The following CLIC1 variants were observed in gnomAD, a reference collection of about 807,000 sequenced individuals.
The protein encoded by CLIC1 is CLIC family member 1.
In CLIC1, 16 loss-of-function variants were observed where a neutral mutation model predicts 26.4. The observed-to-expected ratio is 0.61, with a 90% CI of 0.41 to 0.92. CLIC1 has a LOEUF of 0.92. CLIC1 is among the 40% of genes least tolerant of loss of function. The probability of loss-of-function intolerance (pLI) is 0.00; values close to 1 mark genes in which losing one functional copy is unlikely to be tolerated. For synonymous variants in CLIC1, 98 were observed against 120.8 expected, an observed-to-expected ratio of 0.81 and a Z score of 1.24; for missense variants, 225 against 289.7, an observed-to-expected ratio of 0.78 and a Z score of 1.62.
In CLIC1 at chr6:31,733,738, C is replaced by A. The variant is rs1008037863; in HGVS notation, c.276-66G>T. The A allele has an allele frequency of 1.9e-6, 3 of 1,602,394 alleles. No homozygotes were observed. In the African/African-American group the frequency reaches 4.0e-5, roughly 21 times the overall value. On this transcript the variant is annotated intron_variant, in intron 3 of 5. Coordinates refer to ENST00000375784, the Ensembl canonical transcript of CLIC1. The surrounding 1 kb of genome is among the most constrained non-coding windows in gnomAD (Gnocchi z 5.4). ...GGAGGAACCTCAGCTAGCTCTCCTG[C>A]CCCAGCCCCACCACCATCTCTGTTT...
chr6:31,731,255 A>G (rs1428980821), intron 5 of CLIC1, among the ~76,000 whole-genome samples: 2 of 151,876 alleles, frequency 1.3e-5, no homozygotes, highest in Non-Finnish European at 2.9e-5. Flanking sequence ...TTTTCCCCCT[A>G]TACCACTTCA....
In CLIC1 at chr6:31,732,314, C is replaced by T; in HGVS notation, c.467G>A (p.Ser156Asn). ...CTGAGAGACACCTTCATCTTCAGCA[C>T]TGGTTTCATCCACTTCTTCTGGGAG... is the stretch of plus-strand genomic sequence containing the variant. The change falls in exon 5 of 6, where the codon AGT becomes AAT. Residue 156 changes from serine (S) to asparagine (N), a missense_variant. Physicochemically the swap from Ser to Asn is conservative, Grantham distance 46 (BLOSUM62 1). Coordinates refer to ENST00000375784, the Ensembl canonical transcript of CLIC1. The surrounding 1 kb of genome is among the most constrained non-coding windows in gnomAD (Gnocchi z 5.0). 1 of 1,598,688 alleles carries T rather than the reference C, an allele frequency of 6.3e-7. No homozygotes were observed. The highest frequency in any genetic ancestry group is 1.1e-5 in the South Asian group (1 of 87,948).
At chr6:31,731,234 C>T (rs542104211) in intron 5 of CLIC1, among the ~76,000 whole-genome samples, 1 of 152,232 alleles carries the variant, frequency 6.6e-6, no homozygotes, top group East Asian at 1.9e-4. Flanking sequence ...TCTTGAATTT[C>T]CACAGTGACT....
At position 31,736,551 on chromosome 6, in the gene CLIC1, G is replaced by A. The variant is rs974476972; in HGVS notation, c.-251C>T. On this transcript the variant is annotated 5_prime_UTR_variant, in exon 1 of 6. Coordinates refer to ENST00000375784, the Ensembl canonical transcript of CLIC1. This position sits in a 1 kb window ranked among gnomAD's most constrained non-coding sequence, Gnocchi z 5.0. ...CAGAGAGCCGCTGACTCACCGACCGGCCCCGCCCTGAACCTGGGGAGGGGA... is the reference window on the plus strand; with the variant it reads ...CAGAGAGCCGCTGACTCACCGACCGACCCCGCCCTGAACCTGGGGAGGGGA... The A allele has an allele frequency of 1.5e-6, 2 of 1,354,684 alleles. No homozygotes were observed. Among genetic ancestry groups the A allele is most frequent in the African/African-American group, 3.0e-5 (2 of 67,772 alleles). The allele number at this position is 1,354,684 out of a possible 1,614,324, so 83.9% of individuals were successfully genotyped here.
chr6:31,731,030 A>G (rs1370983180), intron 5 of CLIC1, 27 bp from the exon 6 acceptor site: 2 of 1,607,746 alleles, frequency 1.2e-6, no homozygotes, highest in Non-Finnish European at 1.7e-6. Context: ...GAGAGGGACC[A>G]ACATGTTAGA....
At position 31,732,450 on chromosome 6, in the gene CLIC1, C is replaced by T. The variant is rs771526620; in HGVS notation, c.383-52G>A. The T allele has an allele frequency of 2.0e-4, 266 of 1,337,808 alleles. No homozygotes were observed. The highest frequency in any genetic ancestry group is 2.5e-4 in the Non-Finnish European group (254 of 1,023,012). The allele number at this position is 1,337,808 out of a possible 1,614,324, so 82.9% of individuals were successfully genotyped here. On this transcript the variant is annotated intron_variant, in intron 4 of 5. Transcript: ENST00000375784. This position sits in a 1 kb window ranked among gnomAD's most constrained non-coding sequence, Gnocchi z 5.0. ...ACTTCAGGAAAAGATTGACATAGTC[C>T]GAAAAGGCCCGTTGGGGGTGGATAC...
At chr6:31,736,582 G>C (rs537552438), upstream of CLIC1, 2 of 1,328,294 alleles carry the variant, frequency 1.5e-6, no homozygotes, top group Non-Finnish European at 1.9e-6. The surrounding 1 kb of genome is among the most constrained non-coding windows in gnomAD (Gnocchi z 5.0). Flanking sequence ...GGGGACTGGA[G>C]GGGGGCGGGA....
chr6:31,730,753 T>G lies in CLIC1; in HGVS notation c.*89A>C. The G allele has an allele frequency of 1.4e-6, 2 of 1,420,822 alleles. No individual in the cohort carries two copies. Among genetic ancestry groups the G allele is most frequent in the Non-Finnish European group, 2.0e-6 (2 of 1,021,430 alleles). 88.0% of individuals were successfully genotyped at this position (1,420,822 alleles called of 1,614,324 possible). On this transcript the variant is annotated 3_prime_UTR_variant, in exon 6 of 6. Coordinates refer to ENST00000375784, the Ensembl canonical transcript of CLIC1. The surrounding 1 kb of genome is among the most constrained non-coding windows in gnomAD (Gnocchi z 5.1). Reference sequence around the variant, plus strand: ...CCAGGATTCCCTGCCCACTGGCCATTTTGGAGTGTGTCCATTGGGTAGCAA... The same window carrying G: ...CCAGGATTCCCTGCCCACTGGCCATGTTGGAGTGTGTCCATTGGGTAGCAA...
rs149958730 is a variant in CLIC1 at position 31,733,672 on chromosome 6, C to A, written c.276G>T (p.Arg92Ser). ...GGTTCAGAGCTGCCAGCTTGGGGTA[C>A]CTGAAAGCCAATGGGAAAAATGAGG... Residue 92 changes from arginine to serine, a missense_variant and splice_region_variant, in exon 4 of 6, where the codon AGG becomes AGT. Arg to Ser is a moderately radical substitution (Grantham distance 110). Coordinates refer to ENST00000375784, the Ensembl canonical transcript of CLIC1. This position sits in a 1 kb window ranked among gnomAD's most constrained non-coding sequence, Gnocchi z 5.4. 2.1e-4 allele frequency: 336 copies of A among 1,612,842 alleles called. No homozygotes were observed. The highest frequency in any genetic ancestry group is 2.7e-4 in the Non-Finnish European group (320 of 1,179,914).
chr6:31,733,081 C>T lies in CLIC1; in HGVS notation c.382+485G>A, dbSNP rs752215998. ...AGGTTGCAGTGAGCTGATTGCACCA[C>T]TGCACTCCAGCCTGGGCGACAGAAC... On this transcript the variant is annotated intron_variant, in intron 4 of 5. Coordinates refer to ENST00000375784, the Ensembl canonical transcript of CLIC1. This position sits in a 1 kb window ranked among gnomAD's most constrained non-coding sequence, Gnocchi z 5.4. 2.6e-5 allele frequency among the ~76,000 whole-genome samples: 4 copies of T among 151,572 alleles called. No homozygotes were observed. Among genetic ancestry groups the T allele is most frequent in the Non-Finnish European group, 4.4e-5 (3 of 67,956 alleles).
chr6:31,730,728 C>T lies in CLIC1; in HGVS notation c.*114G>A. ...ACCACACCATCCCGGAACAAGTGCT[C>T]CAGGATTCCCTGCCCACTGGCCATT... On this transcript the variant is annotated 3_prime_UTR_variant, in exon 6 of 6. Coordinates refer to ENST00000375784, the Ensembl canonical transcript of CLIC1. This position sits in a 1 kb window ranked among gnomAD's most constrained non-coding sequence, Gnocchi z 5.1. 8.8e-7 allele frequency: 1 copy of T among 1,141,686 alleles called. No homozygotes were observed. Among genetic ancestry groups the T allele is most frequent in the Non-Finnish European group, 1.3e-6 (1 of 783,696 alleles). The allele number at this position is 1,141,686 out of a possible 1,614,324, so 70.7% of individuals were successfully genotyped here.
chr6:31,732,568 C>T lies in CLIC1; in HGVS notation c.383-170G>A, dbSNP rs1056402624. ...ACTTTACATTTTATTTTATGTTAGA[C>T]GGAGTCTTGCTCCGTTGCCCAGGCT... On this transcript the variant is annotated intron_variant, in intron 4 of 5. Coordinates refer to ENST00000375784, the Ensembl canonical transcript of CLIC1. The surrounding 1 kb of genome is among the most constrained non-coding windows in gnomAD (Gnocchi z 5.0). Among the ~76,000 whole-genome samples the T allele has an allele frequency of 1.3e-5, 2 of 152,062 alleles. No individual in the cohort carries two copies. Among genetic ancestry groups the T allele is most frequent in the African/African-American group, 4.8e-5 (2 of 41,426 alleles).
chr6:31,731,154 G>C, intron 5 of CLIC1, 151 bp from the exon 6 acceptor site: 1 of 585,848 alleles, frequency 1.7e-6, no homozygotes, highest in Non-Finnish European at 2.9e-6. Flanking sequence ...CTGAAATCCT[G>C]GCTTTTAATA....
At position 31,736,531 on chromosome 6, in the gene CLIC1, A is replaced by T; in HGVS notation, c.-231T>A. On this transcript the variant is annotated 5_prime_UTR_variant, in exon 1 of 6. Transcript: ENST00000375784. The surrounding 1 kb of genome is among the most constrained non-coding windows in gnomAD (Gnocchi z 5.0). Reference sequence around the variant, plus strand: ...GGTCCTCTCCCGGGCTGGATCAGAGAGCCGCTGACTCACCGACCGGCCCCG... The same window carrying T: ...GGTCCTCTCCCGGGCTGGATCAGAGTGCCGCTGACTCACCGACCGGCCCCG... 1 of 1,368,956 alleles carries T rather than the reference A, an allele frequency of 7.3e-7. No individual in the cohort carries two copies. Among genetic ancestry groups the T allele is most frequent in the Non-Finnish European group, 9.4e-7 (1 of 1,060,164 alleles). 84.8% of individuals were successfully genotyped at this position (1,368,956 alleles called of 1,614,324 possible).
rs1466536080 is a variant in CLIC1, at chr6:31,736,427, A to G, written c.-127T>C. The stretch of plus-strand genomic sequence containing the variant: ...CAGGGCTGTCCCTTCAGCACAACAC[A>G]AGCTCAATCAGACCTACTTGCACCC... On this transcript the variant is annotated 5_prime_UTR_variant, in exon 1 of 6. Coordinates refer to ENST00000375784, the Ensembl canonical transcript of CLIC1. The surrounding 1 kb of genome is among the most constrained non-coding windows in gnomAD (Gnocchi z 5.0). 1.3e-6 allele frequency: 2 copies of G among 1,523,562 alleles called. No individual in the cohort carries two copies. The allele number at this position is 1,523,562 out of a possible 1,614,324, so 94.4% of individuals were successfully genotyped here.
At chr6:31,736,702 T>C, upstream of CLIC1, 1 of 1,047,160 alleles carries the variant, frequency 9.5e-7, no homozygotes, top group Non-Finnish European at 1.2e-6. The surrounding 1 kb of genome is among the most constrained non-coding windows in gnomAD (Gnocchi z 5.0). Context: ...CTCCGACCTC[T>C]CCTGAACACA....
chr6:31,737,161 C>T (rs1015109643), upstream of CLIC1: 2 of 155,858 alleles, frequency 1.3e-5, no homozygotes, highest in African/African-American at 2.4e-5. Context: ...AGGTGGCTCA[C>T]GCCTGTAATC....
In CLIC1 at chr6:31,732,346, T is replaced by C. The variant is rs779342835; in HGVS notation, c.435A>G (p.Thr145=). 12 of 1,594,764 alleles carry C rather than the reference T, an allele frequency of 7.5e-6. No homozygotes were observed. The highest frequency in any genetic ancestry group is 3.4e-5 in the South Asian group (3 of 87,482). ...CATCCACTTCTTCTGGGAGGGGGGATGTTAAGTAATTGTCTAAAACCTTCA... is the reference window on the plus strand; with the variant it reads ...CATCCACTTCTTCTGGGAGGGGGGACGTTAAGTAATTGTCTAAAACCTTCA... The change falls in exon 5 of 6, where the codon ACA becomes ACG. Residue 145 remains threonine, a synonymous_variant. Transcript: ENST00000375784. This position sits in a 1 kb window ranked among gnomAD's most constrained non-coding sequence, Gnocchi z 5.0.
In CLIC1 at chr6:31,730,775, G is replaced by A; in HGVS notation, c.*67C>T. The A allele has an allele frequency of 1.3e-6, 2 of 1,550,060 alleles. No homozygotes were observed. The highest frequency in any genetic ancestry group is 1.8e-6 in the Non-Finnish European group (2 of 1,128,128). On this transcript the variant is annotated 3_prime_UTR_variant, in exon 6 of 6. Coordinates refer to ENST00000375784, the Ensembl canonical transcript of CLIC1. The surrounding 1 kb of genome is among the most constrained non-coding windows in gnomAD (Gnocchi z 5.1). ...CATTTTGGAGTGTGTCCATTGGGTAGCAATGTGGAAACCACCAGGGCCTTT... is the reference window on the plus strand; with the variant it reads ...CATTTTGGAGTGTGTCCATTGGGTAACAATGTGGAAACCACCAGGGCCTTT...
Sources: allele counts gnomAD v4.1 joint callset (sites outside exome capture counted in the v4.1 genomes callset), GRCh38; gene constraint gnomAD v4.1.1; non-coding constraint Gnocchi (gnomAD v3.1); transcripts MANE v1.5; gene names NCBI Gene and HGNC (gene_info 2026-07-23, HGNC 2026-07-21).